TANC1: variants seen among roughly 807,000 people sequenced by gnomAD.
TANC1 encodes tetratricopeptide repeat, ankyrin repeat and coiled-coil containing 1.
TANC1 carries 77 observed loss-of-function variants against 149.7 expected under a neutral mutation model. The observed-to-expected ratio is 0.51, with a 90% CI of 0.43 to 0.62. The LOEUF (loss-of-function observed/expected upper bound fraction) is 0.62. Ranked by LOEUF, TANC1 falls within the 20% of genes least tolerant of loss-of-function variation. The pLI, the probability that TANC1 is intolerant of heterozygous loss-of-function variation, is 0.00. For synonymous variants in TANC1, 854 were observed against 925.0 expected (o/e 0.92, Z 1.39); for missense variants, 1,985 against 2,321.8 (o/e 0.85, Z 2.98).
intron 7 of TANC1, 46 bp from the exon 8 acceptor site, chr2:159,163,237 C>A: frequency 6.3e-7 from 1 of 1,584,364 alleles, no homozygotes. Context: ...TCTTCAGCCC[C>A]AGCTGTGCCT....
intron 3 of TANC1, among the ~76,000 whole-genome samples, chr2:159,070,487 C>G (rs113048925): frequency 1.2e-3 from 185 of 152,272 alleles, no homozygotes; most frequent in African/African-American, 4.1e-3. Context: ...TTTGAACAAA[C>G]GTGTAATGAC....
At chr2:159,170,185 T>C (rs2055047480) in intron 9 of TANC1, among the ~76,000 whole-genome samples, 1 of 152,172 alleles carries the variant, frequency 6.6e-6, no homozygotes, top group Admixed American at 6.5e-5. Context: ...TTAAATGCAG[T>C]TCCAGATGAA....
At chr2:159,122,166 G>A (rs1383510359) in intron 4 of TANC1, among the ~76,000 whole-genome samples, 1 of 152,152 alleles carries the variant, frequency 6.6e-6, no homozygotes, top group Non-Finnish European at 1.5e-5. Context: ...TGGAACTCCT[G>A]GGCTCAAGCC....
intron 5 of TANC1, among the ~76,000 whole-genome samples, chr2:159,143,093 A>AAAACAAAAC (rs372532404): frequency 1.3e-4 from 19 of 146,654 alleles, no homozygotes; most frequent in South Asian, 6.4e-4. Context: ...AAAACAAAAC[A>AAAACAAAAC]AAAAAAAACA....
At chr2:159,046,241 G>GTC (rs1559168098) in intron 2 of TANC1, among the ~76,000 whole-genome samples, 1 of 152,106 alleles carries the variant, frequency 6.6e-6, no homozygotes, top group East Asian at 1.9e-4. Flanking sequence ...TTTAGACTGC[G>GTC]TCTCTCTTTT....
At chr2:159,177,643 T>C (rs2056017207) in intron 13 of TANC1, among the ~76,000 whole-genome samples, 2 of 152,236 alleles carry the variant, frequency 1.3e-5, no homozygotes, top group Admixed American at 6.5e-5. Flanking sequence ...GAGCTTCAGA[T>C]AGCATCCATG....
At chr2:159,171,016 A>G (rs868751039) in intron 10 of TANC1, among the ~76,000 whole-genome samples, 26 of 152,304 alleles carry the variant, frequency 1.7e-4, no homozygotes, top group African/African-American at 5.8e-4. Flanking sequence ...GTGTTCCCTG[A>G]TGTCCTCCTG....
chr2:159,110,283 T>C (rs1255750283), intron 4 of TANC1, among the ~76,000 whole-genome samples: 6 of 152,202 alleles, frequency 3.9e-5, no homozygotes, highest in Admixed American at 6.5e-5. Flanking sequence ...ATAGTGTGTA[T>C]ACAGGGTTCA....
At chr2:159,032,263 TGG>T (rs1282515805) in intron 2 of TANC1, among the ~76,000 whole-genome samples, 8 of 152,224 alleles carry the variant, frequency 5.3e-5, no homozygotes, top group African/African-American at 1.9e-4. Flanking sequence ...CAGATCAGAA[TGG>T]CAGTGCTTTT....
intron 4 of TANC1, among the ~76,000 whole-genome samples, chr2:159,104,831 G>T (rs2047001404): frequency 8.7e-6 from 1 of 114,460 alleles, no homozygotes. Context: ...CCAAAGTGCT[G>T]GGATTACAGG....
intron 1 of TANC1, among the ~76,000 whole-genome samples, chr2:158,985,961 G>A (rs1467110341): frequency 6.6e-6 from 1 of 152,180 alleles, no homozygotes; most frequent in Non-Finnish European, 1.5e-5. Flanking sequence ...CCTTTGATTG[G>A]TTGTCGTGAA....
At chr2:159,130,861 A>G (rs1340734640) in intron 4 of TANC1, among the ~76,000 whole-genome samples, 1 of 151,888 alleles carries the variant, frequency 6.6e-6, no homozygotes, top group African/African-American at 2.4e-5. Flanking sequence ...TTCCTTTCTT[A>G]ATCTGTGTCA....
intron 3 of TANC1, among the ~76,000 whole-genome samples, chr2:159,083,688 C>T (rs148612597): frequency 2.0e-5 from 3 of 152,254 alleles, no homozygotes; most frequent in Non-Finnish European, 1.5e-5. Context: ...TGTTAGAGGG[C>T]TCTTTTCCCA....
chr2:158,979,972 T>C (rs1186225147), intron 1 of TANC1, among the ~76,000 whole-genome samples: 1 of 152,252 alleles, frequency 6.6e-6, no homozygotes, highest in Non-Finnish European at 1.5e-5. Flanking sequence ...GTGAAATTCT[T>C]ATTCAGGGGT....
chr2:159,053,344 T>G (rs1218564065), intron 2 of TANC1, among the ~76,000 whole-genome samples: 1 of 152,120 alleles, frequency 6.6e-6, no homozygotes, highest in Non-Finnish European at 1.5e-5. Flanking sequence ...CACAGGCTTC[T>G]GTGAGACTGC....
At chr2:159,055,434 C>T (rs2041780183) in intron 2 of TANC1, among the ~76,000 whole-genome samples, 1 of 152,178 alleles carries the variant, frequency 6.6e-6, no homozygotes, top group African/African-American at 2.4e-5. Flanking sequence ...CCTCCCTATT[C>T]CCCCTACCCT....
rs1040694007 is a variant in TANC1, at chr2:159,121,525, G to A, written c.260-14669G>A. ...ATTTTTGTATTTTTAGTGGAGACGG[G>A]GTTTCGCCATGTTGGCCATGTCTCA... On this transcript the variant is annotated intron_variant, in intron 4 of 26. Coordinates refer to ENST00000263635, the MANE Select transcript of TANC1 (RefSeq NM_033394.3). Among the ~76,000 whole-genome samples the A allele has an allele frequency of 3.9e-4, 59 of 152,094 alleles. 1 individual carries two copies. Among genetic ancestry groups the A allele is most frequent in the South Asian group, 4.1e-4 (2 of 4,822 alleles).
chr2:158,983,477 A>AAAAAAAAAAAAAAAAAAAAAAAC (rs1559098764), intron 1 of TANC1, among the ~76,000 whole-genome samples: 1 of 151,090 alleles, frequency 6.6e-6, no homozygotes, highest in Admixed American at 6.6e-5. Flanking sequence ...CCAAAAAAAA[A>AAAAAAAAAAAAAAAAAAAAAAAC]AAAAAAAAAA....
chr2:159,198,274 G>A (rs1345982474), intron 18 of TANC1, among the ~76,000 whole-genome samples: 1 of 152,188 alleles, frequency 6.6e-6, no homozygotes, highest in African/African-American at 2.4e-5. Flanking sequence ...TGCCCTGTAA[G>A]GTCACATTCA....
Sources: allele counts gnomAD v4.1 joint callset (sites outside exome capture counted in the v4.1 genomes callset), GRCh38; gene constraint gnomAD v4.1.1; transcripts MANE v1.5; gene names NCBI Gene and HGNC (gene_info 2026-07-23, HGNC 2026-07-21).